Variants in PHF24 observed in about 807,000 individuals in gnomAD.
The protein encoded by PHF24 is PHD finger protein 24, also known as Galpha inhibitory interacting protein.
In PHF24, 25 loss-of-function variants were observed where a neutral mutation model predicts 42.6. That is an observed-to-expected ratio of 0.59 (90% confidence interval 0.43 to 0.82). PHF24 has a LOEUF of 0.82. Ranked by LOEUF, PHF24 falls within the 40% of genes least tolerant of loss-of-function variation. The probability of loss-of-function intolerance (pLI) is 0.00; values close to 1 mark genes in which losing one functional copy is unlikely to be tolerated. For missense variants in PHF24, 470 were observed against 538.1 expected (o/e 0.87, Z 1.25); for synonymous variants, 185 against 204.8 (o/e 0.90, Z 0.83).
chr9:34,911,446 G>A, the PHF24 span, among the ~76,000 whole-genome samples: 5 of 151,940 alleles, frequency 3.3e-5, no homozygotes, highest in East Asian at 9.8e-4. Flanking sequence ...GTAGAGGCAG[G>A]GTTTCACCAT....
At chr9:34,780,625 C>T in the PHF24 span, among the ~76,000 whole-genome samples, 46 of 151,992 alleles carry the variant, frequency 3.0e-4, 2 homozygotes, top group African/African-American at 9.9e-4. Flanking sequence ...GCACAATAAA[C>T]GAAGAAAAAT....
the PHF24 span, chr9:34,892,679 T>C: frequency 2.0e-3 from 926 of 460,022 alleles, 29 homozygotes; most frequent in East Asian, 0.029. Context: ...CAGGACAAAT[T>C]TGGAGTTGTT....
the PHF24 span, among the ~76,000 whole-genome samples, chr9:34,760,384 G>T: frequency 6.6e-6 from 1 of 152,216 alleles, no homozygotes; most frequent in South Asian, 2.1e-4. Context: ...GAGCTTCGCT[G>T]TGTCTCATAC....
At chr9:34,691,490 G>A in the PHF24 span, among the ~76,000 whole-genome samples, 1 of 152,180 alleles carries the variant, frequency 6.6e-6, no homozygotes, top group Admixed American at 6.5e-5. Flanking sequence ...CCCAGTAAAG[G>A]GGGCTGTGCA....
chr9:34,832,009 G>A, the PHF24 span, among the ~76,000 whole-genome samples: 1 of 152,194 alleles, frequency 6.6e-6, no homozygotes, highest in Non-Finnish European at 1.5e-5. Flanking sequence ...TGAACCATCT[G>A]AATTGTGGGT....
the PHF24 span, among the ~76,000 whole-genome samples, chr9:34,680,635 C>T: frequency 1.4e-5 from 2 of 147,364 alleles, no homozygotes; most frequent in African/African-American, 4.9e-5. Context: ...TTGCAGTGAG[C>T]CGAGATCCCG....
the PHF24 span, among the ~76,000 whole-genome samples, chr9:34,881,668 T>C: frequency 6.6e-5 from 10 of 152,014 alleles, no homozygotes; most frequent in African/African-American, 1.9e-4. Context: ...CAGGAAGAAG[T>C]TGAATCTCTG....
At chr9:34,782,240 G>C in the PHF24 span, among the ~76,000 whole-genome samples, 1 of 152,194 alleles carries the variant, frequency 6.6e-6, no homozygotes, top group Non-Finnish European at 1.5e-5. Flanking sequence ...CCTGAAAAAT[G>C]AGAGCAAGAC....
chr9:34,725,206 G>A, the PHF24 span: 1 of 1,486,716 alleles, frequency 6.7e-7, no homozygotes, highest in Non-Finnish European at 9.2e-7. Flanking sequence ...AGTCGATGTG[G>A]CTCTGCAGTA....
At chr9:34,977,640 A>G in exon 7 of PHF24, 2 of 1,590,798 alleles carry the variant, frequency 1.3e-6, no homozygotes. Context: ...GCAGGAGTCC[A>G]GGTGAGTAGG....
the PHF24 span, among the ~76,000 whole-genome samples, chr9:34,862,955 C>T: frequency 6.6e-6 from 1 of 151,798 alleles, no homozygotes. Context: ...GCATTCATCA[C>T]AAGCTGACTG....
chr9:34,838,621 A>C, the PHF24 span: 1 of 573,764 alleles, frequency 1.7e-6, no homozygotes, highest in Non-Finnish European at 3.1e-6. Flanking sequence ...AGGCCACCAG[A>C]CTGCATCACA....
the PHF24 span, among the ~76,000 whole-genome samples, chr9:34,771,270 T>C: frequency 6.6e-6 from 1 of 152,226 alleles, no homozygotes; most frequent in African/African-American, 2.4e-5. Context: ...GCCTACTACA[T>C]GCTGAGGCTA....
chr9:34,981,685 C>T (rs1227970250), exon 8 of PHF24: 1 of 151,998 alleles, frequency 6.6e-6, no homozygotes, highest in Non-Finnish European at 1.5e-5. Flanking sequence ...ACTGTCACCA[C>T]AGTCCCTTTT....
At chr9:34,968,034 A>T (rs17358651) in intron 1 of PHF24, among the ~76,000 whole-genome samples, 1 of 152,182 alleles carries the variant, frequency 6.6e-6, no homozygotes, top group Non-Finnish European at 1.5e-5. Context: ...TTAATGTGCA[A>T]TGTGGGAGAA....
At chr9:34,711,668 G>A in the PHF24 span, among the ~76,000 whole-genome samples, 3 of 151,442 alleles carry the variant, frequency 2.0e-5, no homozygotes, top group South Asian at 4.2e-4. Flanking sequence ...TCAGCCTCCC[G>A]AGTAACTGGG....
At chr9:34,956,204 T>C (rs906055997), upstream of PHF24, among the ~76,000 whole-genome samples, 1 of 152,200 alleles carries the variant, frequency 6.6e-6, no homozygotes, top group African/African-American at 2.4e-5. Flanking sequence ...GTCTTACTCT[T>C]ATTTGCACCC....
chr9:34,855,296 G>A, the PHF24 span, among the ~76,000 whole-genome samples: 1 of 152,176 alleles, frequency 6.6e-6, no homozygotes, highest in Non-Finnish European at 1.5e-5. Context: ...ATTGTTATGT[G>A]TGAATTTGAT....
At chr9:34,909,734 G>A in the PHF24 span, among the ~76,000 whole-genome samples, 1 of 151,402 alleles carries the variant, frequency 6.6e-6, no homozygotes, top group Non-Finnish European at 1.5e-5. Context: ...CCATTCTCCT[G>A]CCTCAGCCTC....
Sources: allele counts gnomAD v4.1 joint callset (sites outside exome capture counted in the v4.1 genomes callset), GRCh38; gene constraint gnomAD v4.1.1; transcripts MANE v1.5; gene names NCBI Gene and HGNC (gene_info 2026-07-23, HGNC 2026-07-21).